The following RHEX variants were observed in gnomAD, a reference collection of about 807,000 sequenced individuals.
RHEX encodes regulator of hemoglobinization and erythroid cell expansion protein.
A neutral mutation model predicts 20.1 loss-of-function variants in RHEX; 18 were observed. The ratio of observed to expected loss-of-function variants is 0.90; its 90% CI spans 0.62 to 1.33. The LOEUF (loss-of-function observed/expected upper bound fraction) is 1.33. Ranked by LOEUF, RHEX falls within the 40% of genes most tolerant of loss-of-function variation. The probability of loss-of-function intolerance (pLI) is 0.00; values close to 1 mark genes in which losing one functional copy is unlikely to be tolerated. For synonymous variants in RHEX, 87 were observed against 77.1 expected, an observed-to-expected ratio of 1.13 and a Z score of -0.67; for missense variants, 192 against 214.3, an observed-to-expected ratio of 0.90 and a Z score of 0.65.
At chr1:206,073,737 C>T (rs1662577887) in intron 1 of RHEX, among the ~76,000 whole-genome samples, 1 of 152,140 alleles carries the variant, frequency 6.6e-6, no homozygotes, top group African/African-American at 2.4e-5. Flanking sequence ...CTCTCCTTCC[C>T]ACCTCCATTC....
chr1:206,097,594 TG>T, intron 1 of RHEX, 138 bp from the exon 2 acceptor site: 1 of 598,356 alleles, frequency 1.7e-6, no homozygotes, highest in Non-Finnish European at 3.0e-6. Flanking sequence ...GAATGTATCA[TG>T]TAGGAAAGTG....
chr1:206,073,771 T>C (rs1229303154), intron 1 of RHEX, among the ~76,000 whole-genome samples: 1 of 152,210 alleles, frequency 6.6e-6, no homozygotes. Flanking sequence ...CACCAAATCC[T>C]ATCATTTCTA....
Position 206,101,999 on chromosome 1 carries a change from T to G in RHEX, c.*47T>G, listed in dbSNP as rs986957369. The G allele has an allele frequency of 6.9e-6, 10 of 1,456,852 alleles. No individual in the cohort carries two copies. Among genetic ancestry groups the G allele is most frequent in the Non-Finnish European group, 9.6e-6 (10 of 1,040,392 alleles). 90.2% of individuals were successfully genotyped at this position (1,456,852 alleles called of 1,614,324 possible). On this transcript the variant is annotated 3_prime_UTR_variant, in exon 6 of 6. Coordinates refer to ENST00000331555, the MANE Select transcript of RHEX (RefSeq NM_001007544.4). ...GTCCAGTTCTCTATGGATTCTTACA[T>G]TTAATTTGTAGGGAAATGCCATTTT...
At chr1:206,095,503 G>A (rs1450882296) in intron 1 of RHEX, among the ~76,000 whole-genome samples, 7 of 152,128 alleles carry the variant, frequency 4.6e-5, no homozygotes, top group African/African-American at 1.7e-4. Context: ...AAATTTTCTG[G>A]AAGGATATGG....
At chr1:206,083,408 A>C in intron 1 of RHEX, 3 of 636,830 alleles carry the variant, frequency 4.7e-6, no homozygotes, top group Non-Finnish European at 5.9e-6. Flanking sequence ...GGAGCTGGGC[A>C]GAGCATGGCC....
chr1:206,064,242 C>A (rs1294110556), intron 1 of RHEX, among the ~76,000 whole-genome samples: 9 of 148,382 alleles, frequency 6.1e-5, no homozygotes, highest in Non-Finnish European at 1.2e-4. Context: ...CCGGCAGCCA[C>A]CCCGTCCGGG....
At chr1:206,092,535 T>C (rs1662977516) in intron 1 of RHEX, among the ~76,000 whole-genome samples, 1 of 152,218 alleles carries the variant, frequency 6.6e-6, no homozygotes, top group Non-Finnish European at 1.5e-5. Flanking sequence ...CCTAAACTTA[T>C]TTCTTGTTAT....
At chr1:206,065,679 C>T (rs1256336788) in intron 1 of RHEX, among the ~76,000 whole-genome samples, 2 of 152,214 alleles carry the variant, frequency 1.3e-5, no homozygotes, top group African/African-American at 4.8e-5. Context: ...GAAAGTCCTG[C>T]CTGTGGGACA....
intron 1 of RHEX, among the ~76,000 whole-genome samples, chr1:206,063,454 C>CTA (rs1185754782): frequency 2.6e-5 from 4 of 152,256 alleles, no homozygotes; most frequent in Non-Finnish European, 5.9e-5. Context: ...CAAAGCTGGA[C>CTA]TATACTGCTG....
chr1:206,073,111 T>A (rs1208871926), intron 1 of RHEX, among the ~76,000 whole-genome samples: 3 of 152,134 alleles, frequency 2.0e-5, no homozygotes, highest in Non-Finnish European at 4.4e-5. Flanking sequence ...GTGCTGAGAT[T>A]ACAGGCATAA....
At chr1:206,100,321 G>A (rs1407835372) in intron 4 of RHEX, among the ~76,000 whole-genome samples, 3 of 152,180 alleles carry the variant, frequency 2.0e-5, no homozygotes, top group African/African-American at 7.2e-5. Flanking sequence ...TCCTGCAAGT[G>A]AGCCAATAGG....
chr1:206,083,428 A>G (rs1365200567), intron 1 of RHEX: 17 of 856,508 alleles, frequency 2.0e-5, no homozygotes, highest in Admixed American at 6.2e-5. Flanking sequence ...CAAAAGAGAC[A>G]GGAGGCATTA....
rs114070743 is a variant in RHEX at position 206,096,963 on chromosome 1, C to T, written c.-96-770C>T. On this transcript the variant is annotated intron_variant, in intron 1 of 5. Coordinates refer to ENST00000331555, the MANE Select transcript of RHEX (RefSeq NM_001007544.4). ...ATAATTTTTATATTTTTAGTAAAGACGAGGTTTCGCCATATTGCCCAGGCT... is the reference window on the plus strand; with the variant it reads ...ATAATTTTTATATTTTTAGTAAAGATGAGGTTTCGCCATATTGCCCAGGCT... 6.7e-3 allele frequency among the ~76,000 whole-genome samples: 1,011 copies of T among 151,944 alleles called. 6 individuals are homozygous for T. The highest frequency in any genetic ancestry group is 0.023 in the African/African-American group (934 of 41,432).
At chr1:206,065,243 C>T (rs988742127) in intron 1 of RHEX, among the ~76,000 whole-genome samples, 1 of 151,806 alleles carries the variant, frequency 6.6e-6, no homozygotes. Context: ...GCCAAATCCC[C>T]CTCTGTGAGA....
At chr1:206,088,455 G>C (rs1662880129) in intron 1 of RHEX, among the ~76,000 whole-genome samples, 1 of 152,164 alleles carries the variant, frequency 6.6e-6, no homozygotes, top group Admixed American at 6.5e-5. Context: ...GATTGAGGTG[G>C]GTGGATCACT....
At position 206,067,738 on chromosome 1, in the gene RHEX, C is replaced by T. The variant is rs1305216069; in HGVS notation, c.-97+14473C>T. 6.6e-6 allele frequency among the ~76,000 whole-genome samples: 1 copy of T among 152,220 alleles called. No homozygotes were observed. The highest frequency in any genetic ancestry group is 2.4e-5 in the African/African-American group (1 of 41,444). ...TCCAGTACAACCCTAGAAAACTTCC[C>T]TCCAGTCCCTGCCTCTTTGCAGACA... is the stretch of plus-strand genomic sequence containing the variant. On this transcript the variant is annotated intron_variant, in intron 1 of 5. Coordinates refer to ENST00000331555, the MANE Select transcript of RHEX (RefSeq NM_001007544.4). This position sits in a 1 kb window ranked among gnomAD's most constrained non-coding sequence, Gnocchi z 4.6.
Position 206,101,201 on chromosome 1 carries a change from A to G in RHEX, c.318+4A>G. 4 of 1,609,222 alleles carry G rather than the reference A, an allele frequency of 2.5e-6. No homozygotes were observed. Among genetic ancestry groups the G allele is most frequent in the Non-Finnish European group, 3.4e-6 (4 of 1,177,124 alleles). ...CAGTTCGCCTCCTGCCTGCCAGGTAATGGATGTGCCTAGTGATCTCAGACG... is the reference window on the plus strand; with the variant it reads ...CAGTTCGCCTCCTGCCTGCCAGGTAGTGGATGTGCCTAGTGATCTCAGACG... On this transcript the variant is annotated splice_donor_region_variant and intron_variant, in intron 5 of 5. Transcript: ENST00000331555.
At position 206,101,279 on chromosome 1, in the gene RHEX, C is replaced by T. The variant is rs550950795; in HGVS notation, c.318+82C>T. ...GTAAAACGCTGAAAACTCAAGTTAC[C>T]CCAGCTATGTAGTGGGAGCAAGAAA... On this transcript the variant is annotated intron_variant, in intron 5 of 5. Coordinates refer to ENST00000331555, the MANE Select transcript of RHEX (RefSeq NM_001007544.4). The T allele has an allele frequency of 6.5e-4, 729 of 1,116,260 alleles. 10 individuals carry two copies. In the South Asian group the frequency reaches 1.0e-2, roughly 15 times the overall value. 69.1% of individuals were successfully genotyped at this position (1,116,260 alleles called of 1,614,324 possible). A position where few individuals can be genotyped will look rare whatever the true frequency, so the allele number is the denominator to read the frequency against.
intron 1 of RHEX, among the ~76,000 whole-genome samples, chr1:206,094,296 G>T (rs1663022952): frequency 6.6e-6 from 1 of 152,042 alleles, no homozygotes; most frequent in African/African-American, 2.4e-5. Context: ...GTGGTTAGGG[G>T]CCATTAGCCA....
Sources: allele counts gnomAD v4.1 joint callset (sites outside exome capture counted in the v4.1 genomes callset), GRCh38; gene constraint gnomAD v4.1.1; non-coding constraint Gnocchi (gnomAD v3.1); transcripts MANE v1.5; gene names NCBI Gene and HGNC (gene_info 2026-07-23, HGNC 2026-07-21).